Variants in AIRE observed in about 807,000 individuals in gnomAD.
AIRE encodes autoimmune polyendocrinopathy candidiasis ectodermal dystrophy protein.
Under a neutral mutation model 62.1 loss-of-function variants are expected in AIRE, and 52 were observed. The ratio of observed to expected loss-of-function variants is 0.84; its 90% CI spans 0.67 to 1.06. The LOEUF (loss-of-function observed/expected upper bound fraction) is 1.06. AIRE is among the 50% of genes least tolerant of loss of function. The pLI is 0.00. For missense variants in AIRE, 774 were observed against 755.8 expected (o/e 1.02, Z -0.28); for synonymous variants, 342 against 321.6 (o/e 1.06, Z -0.68).
rs565602272 is a variant in AIRE, at chr21:44,291,465, C to T, written c.995+255C>T. Among the ~76,000 whole-genome samples the T allele has an allele frequency of 3.3e-5, 5 of 152,254 alleles. No individual in the cohort carries two copies. The East Asian group carries it at 5.8e-4, about 18-fold the overall frequency. On this transcript the variant is annotated intron_variant, in intron 8 of 13. Transcript: ENST00000291582. ...AGCAAAGCAGAACAGAGGCCCAGGGCGAAGATGCCACCCTGTCCAAGCTCA... is the reference window on the plus strand; with the variant it reads ...AGCAAAGCAGAACAGAGGCCCAGGGTGAAGATGCCACCCTGTCCAAGCTCA...
At position 44,287,243 on chromosome 21, in the gene AIRE, C is replaced by G; in HGVS notation, c.463+110C>G. On this transcript the variant is annotated intron_variant, in intron 3 of 13. Coordinates refer to ENST00000291582, the MANE Select transcript of AIRE (RefSeq NM_000383.4). The surrounding 1 kb of genome is among the most constrained non-coding windows in gnomAD (Gnocchi z 4.3). ...TCCCACCCACTGGGTGTGGGGCCAGCCTGCCTGGGGCTGTGGGGGTCTCCT... is the reference window on the plus strand; with the variant it reads ...TCCCACCCACTGGGTGTGGGGCCAGGCTGCCTGGGGCTGTGGGGGTCTCCT... 1 of 1,366,564 alleles carries G rather than the reference C, an allele frequency of 7.3e-7. No homozygotes were observed. The highest frequency in any genetic ancestry group is 2.0e-5 in the Admixed American group (1 of 51,108). 84.7% of individuals were successfully genotyped at this position (1,366,564 alleles called of 1,614,324 possible).
chr21:44,290,123 G>T lies in AIRE; in HGVS notation c.879+55G>T, dbSNP rs111722927. 3,854 of 1,573,840 alleles carry T rather than the reference G, an allele frequency of 2.4e-3. 80 individuals are homozygous for T. In the African/African-American group the frequency reaches 0.045, roughly 18 times the overall value. ...TGTCTGCCCTTGCTCCCCTCGGGTG[G>T]GTCCTGCTGCCTCTGCCTTTACCTG... On this transcript the variant is annotated intron_variant, in intron 7 of 13. Transcript: ENST00000291582.
intron 12 of AIRE, among the ~76,000 whole-genome samples, chr21:44,295,561 C>G (rs1480913935): frequency 6.6e-6 from 1 of 152,226 alleles, no homozygotes; most frequent in African/African-American, 2.4e-5. Context: ...ACTGCTCCCG[C>G]AGCGGGTACC....
rs62220373 is a variant in AIRE at position 44,287,642 on chromosome 21, G to T, written c.538+51G>T. The T allele has an allele frequency of 0.012, 18,638 of 1,505,414 alleles. 205 individuals carry two copies. Among genetic ancestry groups the T allele is most frequent in the Middle Eastern group, 0.05 (259 of 5,134 alleles). 93.3% of individuals were successfully genotyped at this position (1,505,414 alleles called of 1,614,324 possible). A position where few individuals can be genotyped will look rare whatever the true frequency, so the allele number is the denominator to read the frequency against. ...TCCCTTCTCCCTGGCCAGGGGCAAG[G>T]GGTCAGGGGTCAGAGCAGGGCCTGC... is the stretch of plus-strand genomic sequence containing the variant. On this transcript the variant is annotated intron_variant, in intron 4 of 13. Transcript: ENST00000291582. The surrounding 1 kb of genome is among the most constrained non-coding windows in gnomAD (Gnocchi z 4.3).
Position 44,287,713 on chromosome 21 carries a change from T to G in AIRE, c.538+122T>G. 9.2e-7 allele frequency: 1 copy of G among 1,082,414 alleles called. No homozygotes were observed. Among genetic ancestry groups the G allele is most frequent in the Non-Finnish European group, 1.4e-6 (1 of 731,754 alleles). 67.1% of individuals were successfully genotyped at this position (1,082,414 alleles called of 1,614,324 possible). ...GGGCTGGGGACGTGCTGGCCTGGTG[T>G]GTCATTCCAAGGGCCTAAGCTGCAC... On this transcript the variant is annotated intron_variant, in intron 4 of 13. Coordinates refer to ENST00000291582, the MANE Select transcript of AIRE (RefSeq NM_000383.4). The surrounding 1 kb of genome is among the most constrained non-coding windows in gnomAD (Gnocchi z 4.3).
At chr21:44,295,669 G>A (rs1320583892) in intron 12 of AIRE, among the ~76,000 whole-genome samples, 1 of 152,280 alleles carries the variant, frequency 6.6e-6, no homozygotes, top group African/African-American at 2.4e-5. Flanking sequence ...AAAAGTTCTG[G>A]CTGGCCTTGG....
intron 7 of AIRE, chr21:44,290,324 G>A (rs573581804): frequency 1.1e-4 from 108 of 985,478 alleles, no homozygotes; most frequent in South Asian, 8.5e-4. Flanking sequence ...GGCTGTACCC[G>A]CTGCTCTCAG....
At position 44,286,272 on chromosome 21, in the gene AIRE, G is replaced by A. The variant is rs1442722741; in HGVS notation, c.132+134G>A. 3.8e-6 allele frequency: 4 copies of A among 1,062,620 alleles called. No individual in the cohort carries two copies. Among genetic ancestry groups the A allele is most frequent in the Non-Finnish European group, 5.5e-6 (4 of 732,960 alleles). The allele number at this position is 1,062,620 out of a possible 1,614,324, so 65.8% of individuals were successfully genotyped here. On this transcript the variant is annotated intron_variant, in intron 1 of 13. Transcript: ENST00000291582. This position sits in a 1 kb window ranked among gnomAD's most constrained non-coding sequence, Gnocchi z 6.0. ...CCTTCCCCAACTCCCTCCCCACAAG[G>A]AGCCAGGGGCGTCCCTGATGACAAG... is the stretch of plus-strand genomic sequence containing the variant.
Position 44,296,368 on chromosome 21 carries a change from T to C in AIRE, c.1504-15T>C. 1 of 1,610,892 alleles carries C rather than the reference T, an allele frequency of 6.2e-7. No individual in the cohort carries two copies. The highest frequency in any genetic ancestry group is 8.5e-7 in the Non-Finnish European group (1 of 1,178,556). The stretch of plus-strand genomic sequence containing the variant: ...GTGGGAGTTGGGCTGACCTCTTCTC[T>C]TTACTGGGTTCCAGGATGACACTGC... On this transcript the variant is annotated splice_polypyrimidine_tract_variant and intron_variant, in intron 12 of 13. Transcript: ENST00000291582.
rs768696010 is a variant in AIRE, at chr21:44,286,018, C to G, written c.12C>G (p.Asp4Glu). 2.0e-6 allele frequency: 3 copies of G among 1,532,540 alleles called. No individual in the cohort carries two copies. Among genetic ancestry groups the G allele is most frequent in the East Asian group, 4.9e-5 (2 of 40,664 alleles). The allele number at this position is 1,532,540 out of a possible 1,614,324, so 94.9% of individuals were successfully genotyped here. A position where few individuals can be genotyped will look rare whatever the true frequency, so the allele number is the denominator to read the frequency against. The change falls in exon 1 of 14, where the codon GAC becomes GAG. Residue 4 changes from aspartate (D) to glutamate (E), a missense_variant. Around this residue, in one of 3 missense-constraint regions of AIRE, gnomAD observed 385 missense variants for 396.0 expected, o/e 0.97. Transcript: ENST00000291582. This position sits in a 1 kb window ranked among gnomAD's most constrained non-coding sequence, Gnocchi z 6.0. Reference protein sequence around the residue: MATDAALRRLLRLH... With the variant: MATEAALRRLLRLH... ...CCCGCGCCCACCCCATGGCGACGGA[C>G]GCGGCGCTACGCCGGCTTCTGAGGC...
chr21:44,289,004 T>G (rs2040508540), intron 5 of AIRE: 1 of 167,896 alleles, frequency 6.0e-6, no homozygotes. Context: ...CCTGACACGG[T>G]GTCTCCTCGG....
At chr21:44,289,597 G>A (rs545716689) in intron 5 of AIRE, 60 bp from the exon 6 acceptor site, 37 of 1,607,738 alleles carry the variant, frequency 2.3e-5, no homozygotes, top group Non-Finnish European at 2.9e-5. Context: ...GGGCCTACAC[G>A]ACTGCCAAGG....
At chr21:44,288,263 G>T in intron 4 of AIRE, 82 bp from the exon 5 acceptor site, 1 of 1,188,736 alleles carries the variant, frequency 8.4e-7, no homozygotes. Flanking sequence ...CTGCAGCCCA[G>T]TGCTGCCTGC....
chr21:44,295,106 G>T (rs2040592877), intron 12 of AIRE, among the ~76,000 whole-genome samples: 4 of 152,170 alleles, frequency 2.6e-5, no homozygotes, highest in South Asian at 4.1e-4. Context: ...CCGGGGGGGT[G>T]GCCTCTTGCC....
chr21:44,291,194 C>A lies in AIRE; in HGVS notation c.979C>A (p.Leu327Ile), dbSNP rs1029648118. Residue 327 changes from leucine (L) to isoleucine (I), a missense_variant, in exon 8 of 14, where the codon CTC becomes ATC. By Grantham distance (5) the Leu-to-Ile change is conservative. Coordinates refer to ENST00000291582, the MANE Select transcript of AIRE (RefSeq NM_000383.4). Reference sequence around the variant, plus strand: ...CCACCTGGCCTGCCTGTCCCCTCCGCTCCGGGAGATCCCCAGGTGAGCCTG... The same window carrying A: ...CCACCTGGCCTGCCTGTCCCCTCCGATCCGGGAGATCCCCAGGTGAGCCTG... Reference protein sequence around the residue: ...AFHLACLSPPLREIPSGTWRC... With the variant: ...AFHLACLSPPIREIPSGTWRC... 143 of 1,603,308 alleles carry A rather than the reference C, an allele frequency of 8.9e-5. No homozygotes were observed. Among genetic ancestry groups the A allele is most frequent in the Non-Finnish European group, 1.2e-4 (139 of 1,179,696 alleles).
rs745459635 is a variant in AIRE at position 44,288,425 on chromosome 21, G to A, written c.619G>A (p.Glu207Lys). ...GDVPGARGAV[E>K]GILIQQVFES... Reference sequence around the variant, plus strand: ...CGTCCCGGGAGCCCGAGGGGCCGTGGAGGGGATCCTCATCCAGCAGGTGTT... The same window carrying A: ...CGTCCCGGGAGCCCGAGGGGCCGTGAAGGGGATCCTCATCCAGCAGGTGTT... Residue 207 changes from glutamate (E) to lysine (K), a missense_variant, in exon 5 of 14, where the codon GAG becomes AAG. This residue lies in a region of AIRE where 385 missense variants were observed against 396.0 expected (regional missense o/e 0.97). Coordinates refer to ENST00000291582, the MANE Select transcript of AIRE (RefSeq NM_000383.4). 13 of 1,611,436 alleles carry A rather than the reference G, an allele frequency of 8.1e-6. No individual in the cohort carries two copies. The highest frequency in any genetic ancestry group is 1.7e-6 in the Non-Finnish European group (2 of 1,178,386).
rs387906293 is a variant in AIRE, at chr21:44,292,994, T to TC, written c.1103dup (p.Leu370AlafsTer2). The TC allele has an allele frequency of 2.5e-6, 4 of 1,611,548 alleles. No individual in the cohort carries two copies. The highest frequency in any genetic ancestry group is 3.4e-6 in the Non-Finnish European group (4 of 1,179,598). ...CTGATGCTGACCCTTGGGTTCCAGC[T>TC]CCCCCCGGGGCTTAGGTCGGCGGGA... On this transcript the variant is annotated frameshift_variant and splice_region_variant, in exon 10 of 14. Coordinates refer to ENST00000291582, the MANE Select transcript of AIRE (RefSeq NM_000383.4). LOFTEE classifies it high-confidence loss of function.
Position 44,287,023 on chromosome 21 carries a change from T to A in AIRE, c.353T>A (p.Val118Asp), listed in dbSNP as rs772511282. 3.7e-6 allele frequency: 6 copies of A among 1,612,526 alleles called. No individual in the cohort carries two copies. In the Admixed American group the frequency reaches 5.0e-5, roughly 13 times the overall value. The change falls in exon 3 of 14, where the codon GTC becomes GAC. Residue 118 changes from valine to aspartate, a missense_variant. Coordinates refer to ENST00000291582, the MANE Select transcript of AIRE (RefSeq NM_000383.4). This position sits in a 1 kb window ranked among gnomAD's most constrained non-coding sequence, Gnocchi z 4.3. ...QPRKGRKPPA[V>D]PKALVPPPRL... ...CGGAAGGGGAGGAAGCCCCCGGCCG[T>A]CCCCAAGGCTTTGGTACCGCCACCC...
Position 44,297,544 on chromosome 21 carries a change from C to T in AIRE, c.1567-112C>T. ...ATGGGGCCTCGGGCCTCAGTTTCCC[C>T]ACCTTTGACTTAGAGGGAAGGTTGG... On this transcript the variant is annotated intron_variant, in intron 13 of 13. Coordinates refer to ENST00000291582, the MANE Select transcript of AIRE (RefSeq NM_000383.4). This position sits in a 1 kb window ranked among gnomAD's most constrained non-coding sequence, Gnocchi z 4.8. 1.9e-6 allele frequency: 2 copies of T among 1,043,374 alleles called. No homozygotes were observed. Among genetic ancestry groups the T allele is most frequent in the East Asian group, 2.5e-5 (1 of 39,696 alleles). The allele number at this position is 1,043,374 out of a possible 1,614,324, so 64.6% of individuals were successfully genotyped here.
Sources: gnomAD v4.1 joint callset for allele counts (sites outside exome capture counted in the v4.1 genomes callset) on GRCh38, gnomAD v4.1.1 for gene constraint, gnomAD v4.1.1 regional missense constraint, Gnocchi (gnomAD v3.1) non-coding constraint, MANE v1.5 for transcripts, NCBI Gene and HGNC (gene_info 2026-07-23, HGNC 2026-07-21) for gene names.